AK9: variants seen among roughly 807,000 people sequenced by gnomAD.
The protein encoded by AK9 is adenylate kinase 9.
A neutral mutation model predicts 239.6 loss-of-function variants in AK9; 191 were observed. That is an observed-to-expected ratio of 0.80 (90% CI 0.71 to 0.90). AK9 has a LOEUF of 0.90. Among genes scored for constraint, AK9 ranks in the 40% least tolerant of loss-of-function variants. AK9 has a pLI of 0.00. For missense variants in AK9, 1,995 were observed against 2,214.7 expected (o/e 0.90, Z 1.99); for synonymous variants, 689 against 721.0 (o/e 0.96, Z 0.71).
intron 9 of AK9, 193 bp downstream of exon 9, chr6:109,644,421 C>T (rs1272818214): frequency 1.1e-5 from 5 of 442,862 alleles, no homozygotes; most frequent in Admixed American, 8.7e-5. Flanking sequence ...ATTTTAAATT[C>T]GAATGTAGTT....
Position 109,610,457 on chromosome 6 carries a change from T to C in AK9, c.1750A>G (p.Met584Val), listed in dbSNP as rs1160832903. Residue 584 changes from methionine (M) to valine (V), a missense_variant, in exon 17 of 41, where the codon ATG (methionine) becomes GTG (valine). By Grantham distance (21) the Met-to-Val change is conservative (BLOSUM62 1). Around this residue, in one of 5 missense-constraint regions of AK9, gnomAD observed 1,290 missense variants for 1,392.7 expected, o/e 0.93. Transcript: ENST00000424296. ...VTADHPEVVT[M>V]IEETIKMSQD... The stretch of plus-strand genomic sequence containing the variant: ...GACATTTTTATAGTCTCTTCAATCA[T>C]GGTCACAACCTCTGGATGATCTGCA... The C allele has an allele frequency of 1.4e-5, 22 of 1,551,326 alleles. No homozygotes were observed. The highest frequency in any genetic ancestry group is 1.7e-5 in the Non-Finnish European group (20 of 1,146,852).
chr6:109,575,140 T>C (rs949236222), intron 20 of AK9, among the ~76,000 whole-genome samples: 1 of 152,172 alleles, frequency 6.6e-6, no homozygotes, highest in Admixed American at 6.5e-5. Context: ...GCTATAAACG[T>C]GTGTGTGCAA....
intron 29 of AK9, among the ~76,000 whole-genome samples, chr6:109,523,239 A>C (rs960825835): frequency 7.6e-6 from 1 of 131,190 alleles, no homozygotes; most frequent in Non-Finnish European, 1.7e-5. Flanking sequence ...ACAAAAGATC[A>C]TCTAAGAGAC....
In AK9 at chr6:109,554,779, G is replaced by A. The variant is rs140281311; in HGVS notation, c.2752-4477C>T. 5.5e-3 allele frequency among the ~76,000 whole-genome samples: 840 copies of A among 152,124 alleles called. 9 individuals are homozygous for A. The highest frequency in any genetic ancestry group is 0.037 in the Middle Eastern group (11 of 294). ...ACTCCTGACCTCAGGTGATCTGCCC[G>A]CCTTGGCCTTCCAAAGTGCTGGGAG... On this transcript the variant is annotated intron_variant, in intron 24 of 40. Transcript: ENST00000424296.
intron 24 of AK9, among the ~76,000 whole-genome samples, chr6:109,561,112 C>A (rs940881994): frequency 6.6e-6 from 1 of 152,056 alleles, no homozygotes; most frequent in African/African-American, 2.4e-5. Context: ...CATGACCACA[C>A]CTGGCTAATT....
chr6:109,605,126 A>G (rs1792664141), intron 17 of AK9, among the ~76,000 whole-genome samples: 1 of 152,202 alleles, frequency 6.6e-6, no homozygotes, highest in South Asian at 2.1e-4. Flanking sequence ...TAAAGCTAAA[A>G]TTTCTATAAA....
chr6:109,546,157 G>C (rs1345264753), intron 25 of AK9, 30 bp from the exon 26 acceptor site: 1 of 1,479,400 alleles, frequency 6.8e-7, no homozygotes, highest in East Asian at 2.3e-5. Flanking sequence ...AGGGAGGGGT[G>C]GGATAAAGGG....
intron 16 of AK9, among the ~76,000 whole-genome samples, chr6:109,610,936 G>T (rs1793507096): frequency 6.6e-6 from 1 of 152,168 alleles, no homozygotes; most frequent in Admixed American, 6.5e-5. Flanking sequence ...TAGGCAAGTT[G>T]GAGGGGATGG....
At chr6:109,581,972 C>T (rs767542522) in intron 19 of AK9, among the ~76,000 whole-genome samples, 2 of 152,176 alleles carry the variant, frequency 1.3e-5, no homozygotes, top group Non-Finnish European at 2.9e-5. Context: ...ATTAACTATG[C>T]TAAATCTACT....
intron 1 of AK9, among the ~76,000 whole-genome samples, chr6:109,680,470 T>C (rs574619665): frequency 6.6e-6 from 1 of 152,284 alleles, no homozygotes; most frequent in South Asian, 2.1e-4. Context: ...AGACCAAATC[T>C]ACATTTGGTT....
intron 24 of AK9, among the ~76,000 whole-genome samples, chr6:109,558,226 G>C (rs1424990333): frequency 1.3e-5 from 2 of 152,072 alleles, no homozygotes; most frequent in African/African-American, 4.8e-5. Context: ...AAATAGTTTA[G>C]TTCTTACTTT....
In AK9 at chr6:109,644,699, T is replaced by C. The variant is rs1302327238; in HGVS notation, c.760-11A>G. The C allele has an allele frequency of 1.2e-6, 2 of 1,602,018 alleles. No individual in the cohort carries two copies. The highest frequency in any genetic ancestry group is 2.2e-5 in the East Asian group (1 of 44,726). On this transcript the variant is annotated splice_polypyrimidine_tract_variant and intron_variant, in intron 8 of 40. Coordinates refer to ENST00000424296, the MANE Select transcript of AK9 (RefSeq NM_001145128.3). ...TTCAGCCATTACTTCCTGCAGATAA[T>C]AGAAAAGAAACTTTATAATACAGGA... is the stretch of plus-strand genomic sequence containing the variant.
intron 19 of AK9, among the ~76,000 whole-genome samples, chr6:109,583,746 A>G (rs1286548847): frequency 6.6e-6 from 1 of 152,140 alleles, no homozygotes; most frequent in African/African-American, 2.4e-5. Flanking sequence ...ATTGACAGAA[A>G]GTGGAGAAGA....
chr6:109,547,680 C>T (rs1232093561), intron 25 of AK9, among the ~76,000 whole-genome samples: 1 of 151,610 alleles, frequency 6.6e-6, no homozygotes, highest in Non-Finnish European at 1.5e-5. Flanking sequence ...GCAATAAAAG[C>T]AAAAATAGAC....
chr6:109,529,229 G>A (rs995346994), intron 28 of AK9, among the ~76,000 whole-genome samples, 156 bp from the exon 29 acceptor site: 2 of 152,114 alleles, frequency 1.3e-5, no homozygotes, highest in African/African-American at 4.8e-5. Flanking sequence ...CATGTTGCTT[G>A]GCTTGCATCC....
chr6:109,529,065 C>T lies in AK9; in HGVS notation c.3579G>A (p.Thr1193=), dbSNP rs577896898. Residue 1193 remains threonine (T), a synonymous_variant, in exon 29 of 41, where the codon ACG becomes ACA. Coordinates refer to ENST00000424296, the MANE Select transcript of AK9 (RefSeq NM_001145128.3). ...KDMKAKIRVD[T]IAKRRAELIL... ...TAAGTTCAGCCCTTCTTTTAGCAAT[C>T]GTATCAACCTGTTAAAGAAAGAGAC... 33 of 1,571,176 alleles carry T rather than the reference C, an allele frequency of 2.1e-5. No individual in the cohort carries two copies. Among genetic ancestry groups the T allele is most frequent in the Non-Finnish European group, 2.6e-5 (30 of 1,166,936 alleles).
chr6:109,506,791 G>A lies in AK9; in HGVS notation c.4491C>T (p.Ile1497=), dbSNP rs1325767856. ...GATGTTTAGTTACAGGATATCCATC[G>A]ATGACAACACTAACAAGGAAAAACA... ...ESVCNTAGVV[I]DGYPVTKHQM... The change falls in exon 34 of 41, where the codon ATC becomes ATT. Residue 1497 remains isoleucine (I), a synonymous_variant. Coordinates refer to ENST00000424296, the MANE Select transcript of AK9 (RefSeq NM_001145128.3). 6.0e-6 allele frequency: 9 copies of A among 1,491,602 alleles called. No individual in the cohort carries two copies. The highest frequency in any genetic ancestry group is 5.0e-5 in the Admixed American group (2 of 39,968). 92.4% of individuals were successfully genotyped at this position (1,491,602 alleles called of 1,614,324 possible). A position where few individuals can be genotyped will look rare whatever the true frequency, so the allele number is the denominator to read the frequency against.
intron 5 of AK9, among the ~76,000 whole-genome samples, chr6:109,665,191 C>T (rs536153323): frequency 3.3e-5 from 5 of 152,294 alleles, no homozygotes; most frequent in South Asian, 4.1e-4. Flanking sequence ...GCAATCCTAC[C>T]TAATTTAACT....
intron 8 of AK9, among the ~76,000 whole-genome samples, chr6:109,648,491 A>G (rs1798405929): frequency 6.8e-6 from 1 of 146,064 alleles, no homozygotes; most frequent in South Asian, 2.1e-4. Flanking sequence ...GAAAATCTAG[A>G]AGAAATAGAT....
Sources: allele counts gnomAD v4.1 joint callset (sites outside exome capture counted in the v4.1 genomes callset), GRCh38; gene constraint gnomAD v4.1.1; regional missense constraint gnomAD v4.1.1; transcripts MANE v1.5; gene names NCBI Gene and HGNC (gene_info 2026-07-23, HGNC 2026-07-21).